Variants in PLCH1 observed in about 807,000 individuals in gnomAD.
The protein encoded by PLCH1 is phospholipase C eta 1, also known as 1-phosphatidylinositol 4,5-bisphosphate phosphodiesterase eta-1.
PLCH1 carries 60 observed loss-of-function variants against 126.7 expected under a neutral mutation model. The ratio of observed to expected loss-of-function variants is 0.47; its 90% CI spans 0.38 to 0.59. The LOEUF is 0.59. Among genes scored for constraint, PLCH1 ranks in the 20% least tolerant of loss-of-function variants. The pLI is 0.00. For missense variants in PLCH1, 1,723 were observed against 2,040.0 expected (o/e 0.84, Z 2.99); for synonymous variants, 719 against 734.9 (o/e 0.98, Z 0.35).
At chr3:155,741,684 C>CTTTTATTTTATTT in intron 1 of PLCH1, among the ~76,000 whole-genome samples, 1 of 102,868 alleles carries the variant, frequency 9.7e-6, no homozygotes, top group South Asian at 3.2e-4. Context: ...TTTATATCCT[C>CTTTTATTTTATTT]TTTTTTTTTT....
chr3:155,717,688 G>A (rs1747631488), intron 1 of PLCH1, among the ~76,000 whole-genome samples: 3 of 152,240 alleles, frequency 2.0e-5, no homozygotes. Context: ...GAACAGCAGG[G>A]CCCTGGACCT....
intron 2 of PLCH1, 54 bp from the exon 3 acceptor site, chr3:155,596,432 G>C: frequency 6.7e-7 from 1 of 1,486,626 alleles, no homozygotes; most frequent in African/African-American, 1.4e-5. Flanking sequence ...AGGCATACTG[G>C]TGTCCAGGTT....
At chr3:155,579,148 A>G (rs1450754257) in intron 6 of PLCH1, among the ~76,000 whole-genome samples, 2 of 152,304 alleles carry the variant, frequency 1.3e-5, no homozygotes, top group East Asian at 3.9e-4. Flanking sequence ...TGTTATTAAA[A>G]ACTTATTAGA....
rs3220185 is a variant in PLCH1, at chr3:155,666,893, GGTGTGT to G, written c.79+37247_79+37252del. Among the ~76,000 whole-genome samples the G allele has an allele frequency of 4.9e-3, 727 of 148,750 alleles. 4 individuals are homozygous for G. The highest frequency in any genetic ancestry group is 0.012 in the African/African-American group (487 of 40,758). ...AAAGGAAATGATGAGACACAGATGAGGTGTGTGTGTGTGTGTGTGTGTGTGTGTGTG... is the reference window on the plus strand; with the variant it reads ...AAAGGAAATGATGAGACACAGATGAGGTGTGTGTGTGTGTGTGTGTGTGTG... On this transcript the variant is annotated intron_variant, in intron 2 of 22. Coordinates refer to ENST00000460012, the MANE Select transcript of PLCH1 (RefSeq NM_014996.4).
intron 2 of PLCH1, among the ~76,000 whole-genome samples, chr3:155,701,775 C>T (rs1425646133): frequency 6.6e-6 from 1 of 152,212 alleles, no homozygotes; most frequent in African/African-American, 2.4e-5. Context: ...TATCCCAAGA[C>T]TTCTCACAAT....
At chr3:155,629,318 T>C (rs1577189434) in intron 2 of PLCH1, among the ~76,000 whole-genome samples, 1 of 152,112 alleles carries the variant, frequency 6.6e-6, no homozygotes, top group South Asian at 2.1e-4. Flanking sequence ...TTCTACACCA[T>C]CCTAAGCAAT....
At chr3:155,625,660 C>CA (rs768294451) in intron 2 of PLCH1, among the ~76,000 whole-genome samples, 1 of 152,162 alleles carries the variant, frequency 6.6e-6, no homozygotes, top group Non-Finnish European at 1.5e-5. Flanking sequence ...AAATGCAAAT[C>CA]AAGACCACAA....
chr3:155,509,263 T>C (rs1164896966), intron 12 of PLCH1, among the ~76,000 whole-genome samples: 2 of 123,036 alleles, frequency 1.6e-5, no homozygotes, highest in Non-Finnish European at 3.2e-5. Context: ...TTATTAGTCT[T>C]GCTAGCGGTC....
intron 10 of PLCH1, among the ~76,000 whole-genome samples, chr3:155,525,887 A>G (rs1031716408): frequency 1.3e-5 from 2 of 152,212 alleles, no homozygotes; most frequent in Non-Finnish European, 2.9e-5. Context: ...TTATCTCTTT[A>G]TAACAGTACT....
chr3:155,615,412 G>C (rs1341758342), intron 2 of PLCH1, among the ~76,000 whole-genome samples: 1 of 152,118 alleles, frequency 6.6e-6, no homozygotes, highest in African/African-American at 2.4e-5. Context: ...TCTACCAGTT[G>C]ATCCAGCAAT....
At chr3:155,459,031 A>G (rs1350996824) in intron 21 of PLCH1, among the ~76,000 whole-genome samples, 2 of 152,228 alleles carry the variant, frequency 1.3e-5, no homozygotes, top group East Asian at 3.8e-4. Context: ...GATAGTTAGT[A>G]ATAACAACGG....
rs189574285 is a variant in PLCH1, at chr3:155,464,752, C to T, written c.2938+20604G>A. Among the ~76,000 whole-genome samples the T allele has an allele frequency of 7.4e-3, 1,131 of 152,206 alleles. 24 individuals are homozygous for T. Among genetic ancestry groups the T allele is most frequent in the African/African-American group, 0.026 (1,070 of 41,520 alleles). On this transcript the variant is annotated intron_variant, in intron 21 of 21. Transcript: ENST00000494598. Reference sequence around the variant, plus strand: ...TGCCTCTTCCTTATTAGGCAATCTCCAAATGATAATTGTAAAATTGCTTCC... The same window carrying T: ...TGCCTCTTCCTTATTAGGCAATCTCTAAATGATAATTGTAAAATTGCTTCC...
chr3:155,509,511 T>C lies in PLCH1; in HGVS notation c.1633-4885A>G, dbSNP rs1160911486. 5.4e-4 allele frequency among the ~76,000 whole-genome samples: 6 copies of C among 11,212 alleles called. No homozygotes were observed. In the East Asian group the frequency reaches 8.6e-3, roughly 16 times the overall value. 7.4% of individuals were successfully genotyped at this position (11,212 alleles called of 152,430 possible). On this transcript the variant is annotated intron_variant, in intron 12 of 22. Coordinates refer to ENST00000460012, the MANE Select transcript of PLCH1 (RefSeq NM_014996.4). ...GCATTTAGTGCTATAAATTTCCCTC[T>C]ACACACTGCTTTGAATGCGTCCCAG...
At chr3:155,672,811 C>T (rs953627244) in intron 2 of PLCH1, among the ~76,000 whole-genome samples, 1 of 152,164 alleles carries the variant, frequency 6.6e-6, no homozygotes. Context: ...CAGCTTTGAT[C>T]AGGGGCAAAG....
rs1733434878 is a variant in PLCH1 at position 155,599,471 on chromosome 3, C to T, written c.80-3093G>A. 2.6e-5 allele frequency among the ~76,000 whole-genome samples: 4 copies of T among 152,030 alleles called. No individual in the cohort carries two copies. In the South Asian group the frequency reaches 8.3e-4, roughly 32 times the overall value. On this transcript the variant is annotated intron_variant, in intron 2 of 22. Transcript: ENST00000460012. The stretch of plus-strand genomic sequence containing the variant: ...AGGGAATTGACAGAATGTATGATTC[C>T]ATGAGCTAGATAAAACCAGGTTGTG...
chr3:155,489,348 G>T (rs980280092), intron 19 of PLCH1, among the ~76,000 whole-genome samples: 6 of 152,068 alleles, frequency 3.9e-5, no homozygotes, highest in Non-Finnish European at 8.8e-5. Flanking sequence ...GAGTAGAGCA[G>T]GGTTTTGGTT....
chr3:155,456,118 C>T (rs1712436065), intron 21 of PLCH1, among the ~76,000 whole-genome samples: 1 of 152,162 alleles, frequency 6.6e-6, no homozygotes, highest in South Asian at 2.1e-4. Context: ...TGACTTAAAA[C>T]TTTTCAAACT....
chr3:155,523,494 G>A (rs1721476253), intron 11 of PLCH1, among the ~76,000 whole-genome samples: 1 of 144,444 alleles, frequency 6.9e-6, no homozygotes. Context: ...TCCACGTGCA[G>A]GTGGGGTTCC....
At chr3:155,721,963 C>G (rs541728174) in intron 1 of PLCH1, among the ~76,000 whole-genome samples, 1 of 152,124 alleles carries the variant, frequency 6.6e-6, no homozygotes, top group Non-Finnish European at 1.5e-5. Flanking sequence ...AGGAGAACTG[C>G]TTGAACCTGG....
Sources: allele counts gnomAD v4.1 joint callset (sites outside exome capture counted in the v4.1 genomes callset), GRCh38; gene constraint gnomAD v4.1.1; transcripts MANE v1.5; gene names NCBI Gene and HGNC (gene_info 2026-07-23, HGNC 2026-07-21).